Variants in SBNO1 observed in about 807,000 individuals in gnomAD.
SBNO1 encodes strawberry notch homolog 1.
A neutral mutation model predicts 173.6 loss-of-function variants in SBNO1; 23 were observed. The ratio of observed to expected loss-of-function variants is 0.13; its 90% CI spans 0.10 to 0.19. SBNO1 has a LOEUF of 0.19. SBNO1 is among the 10% of genes least tolerant of loss of function. The probability of loss-of-function intolerance (pLI) is 1.00; values close to 1 mark genes in which losing one functional copy is unlikely to be tolerated. For missense variants in SBNO1, 1,238 were observed against 1,671.2 expected (o/e 0.74, Z 4.52); for synonymous variants, 632 against 571.5 (o/e 1.11, Z -1.51).
chr12:123,340,592 A>AG (rs1872429795), intron 5 of SBNO1, among the ~76,000 whole-genome samples: 1 of 150,708 alleles, frequency 6.6e-6, no homozygotes, highest in African/African-American at 2.5e-5. Flanking sequence ...AAAAAAAAAA[A>AG]AAAAAAAAAA....
At chr12:123,315,318 G>T (rs376857383) in intron 23 of SBNO1, 55 bp downstream of exon 23, 2 of 1,375,422 alleles carry the variant, frequency 1.5e-6, no homozygotes, top group African/African-American at 1.4e-5. Flanking sequence ...TTGTGTTCCC[G>T]AAAGACACCA....
intron 13 of SBNO1, 40 bp from the exon 14 acceptor site, chr12:123,326,374 G>C (rs1870610343): frequency 7.3e-7 from 1 of 1,369,004 alleles, no homozygotes; most frequent in African/African-American, 1.4e-5. Flanking sequence ...CTTCATCTTT[G>C]AGTCTAGTTA....
intron 20 of SBNO1, 68 bp from the exon 21 acceptor site, chr12:123,317,424 A>G: frequency 1.4e-6 from 2 of 1,424,364 alleles, no homozygotes; most frequent in Non-Finnish European, 2.0e-6. Context: ...CCTTAAATGA[A>G]GTCCTTCAGC....
chr12:123,311,691 C>CAATCTATCTATCTATCTAT (rs1424278237), intron 24 of SBNO1, among the ~76,000 whole-genome samples: 1 of 121,768 alleles, frequency 8.2e-6, no homozygotes, highest in Non-Finnish European at 1.7e-5. Context: ...AAACAAGTAA[C>CAATCTATCTATCTATCTAT]CTATCTATCT....
chr12:123,344,025 C>G (rs1872833612), intron 4 of SBNO1, among the ~76,000 whole-genome samples: 1 of 152,116 alleles, frequency 6.6e-6, no homozygotes, highest in African/African-American at 2.4e-5. Context: ...CTGTTGTGTT[C>G]TCTAAATTCT....
At chr12:123,311,632 GGT>G (rs1402235792) in intron 24 of SBNO1, among the ~76,000 whole-genome samples, 3 of 151,230 alleles carry the variant, frequency 2.0e-5, no homozygotes, top group African/African-American at 7.3e-5. Flanking sequence ...TGAGATTACA[GGT>G]GTGAGCCACT....
chr12:123,302,480 G>C (rs1270337924), intron 30 of SBNO1, among the ~76,000 whole-genome samples: 14 of 145,028 alleles, frequency 9.7e-5, no homozygotes, highest in Admixed American at 9.0e-4. Flanking sequence ...CTGACCTCAG[G>C]TGATCCGCCC....
chr12:123,320,165 A>G, intron 19 of SBNO1, 134 bp from the exon 20 acceptor site: 1 of 1,027,504 alleles, frequency 9.7e-7, no homozygotes, highest in Non-Finnish European at 1.4e-6. Context: ...GATACAGAAC[A>G]CTGCAACAGA....
chr12:123,297,400 C>CAAAAAAGAAAAAAAAAAAAA (rs2048641127), intron 31 of SBNO1, among the ~76,000 whole-genome samples: 1 of 31,514 alleles, frequency 3.2e-5, no homozygotes, highest in Non-Finnish European at 5.9e-5. Flanking sequence ...TACTGGTGTC[C>CAAAAAAGAAAAAAAAAAAAA]AAAAAAAAAA....
In SBNO1 at chr12:123,327,452, T is replaced by C. The variant is rs181207140; in HGVS notation, c.1666A>G (p.Lys556Glu). ...EEVLLSQSYV[K>E]MYNKAVKLWV... ...AGCTTGACAGCTTTGTTATACATTT[T>C]AACGTAGCTCTGAGAAAGAAGAACT... The change falls in exon 13 of 32, where the codon AAA becomes GAA. Residue 556 changes from lysine (K) to glutamate (E), a missense_variant. This residue lies in a region of SBNO1 where 182 missense variants were observed against 339.9 expected (regional missense o/e 0.54). Coordinates refer to ENST00000602398, the MANE Select transcript of SBNO1 (RefSeq NM_001167856.3). The C allele has an allele frequency of 6.2e-7, 1 of 1,613,698 alleles. No homozygotes were observed. Among genetic ancestry groups the C allele is most frequent in the East Asian group, 2.2e-5 (1 of 44,878 alleles).
intron 23 of SBNO1, among the ~76,000 whole-genome samples, chr12:123,314,159 T>A (rs953999088): frequency 6.6e-6 from 1 of 152,112 alleles, no homozygotes; most frequent in Non-Finnish European, 1.5e-5. Flanking sequence ...TATCTTTATA[T>A]GTATTTATTT....
chr12:123,313,408 T>G (rs1015294393), intron 24 of SBNO1, among the ~76,000 whole-genome samples: 2 of 152,060 alleles, frequency 1.3e-5, no homozygotes, highest in African/African-American at 4.8e-5. Context: ...TTTCACCATA[T>G]CAACAGTAAG....
rs547649355 is a variant in SBNO1 at position 123,322,769 on chromosome 12, G to C, written c.2125+911C>G. On this transcript the variant is annotated intron_variant, in intron 16 of 31. Coordinates refer to ENST00000602398, the MANE Select transcript of SBNO1 (RefSeq NM_001167856.3). ...AAAAATACAAAAATTAGCAGGGCGT[G>C]GTGGTGCATGCCTGTAATCCCAGCT... Among the ~76,000 whole-genome samples, 6 of 151,828 alleles carry C rather than the reference G, an allele frequency of 4.0e-5. No homozygotes were observed. The East Asian group carries it at 1.2e-3, about 30-fold the overall frequency.
At chr12:123,359,541 G>T (rs9705407) in intron 1 of SBNO1, among the ~76,000 whole-genome samples, 131,590 of 148,044 alleles carry the variant, frequency 0.89, 58,563 homozygotes, top group Middle Eastern at 0.95. Flanking sequence ...GGCAACAGAG[G>T]GAGACTCCGT....
intron 19 of SBNO1, 143 bp from the exon 20 acceptor site, chr12:123,320,174 G>A (rs12366872): frequency 1.0e-6 from 1 of 985,172 alleles, no homozygotes; most frequent in Non-Finnish European, 1.5e-6. Flanking sequence ...CACTGCAACA[G>A]AGTCCCTGGA....
intron 24 of SBNO1, among the ~76,000 whole-genome samples, chr12:123,312,200 A>G (rs979428969): frequency 2.2e-4 from 34 of 151,886 alleles, no homozygotes; most frequent in Admixed American, 2.1e-3. Flanking sequence ...TCAGCCTCCC[A>G]AAGTGCTGGG....
At chr12:123,313,828 C>T (rs1011899165) in intron 23 of SBNO1, 109 bp from the exon 24 acceptor site, 17 of 623,140 alleles carry the variant, frequency 2.7e-5, no homozygotes, top group Non-Finnish European at 3.9e-5. Context: ...GTGGCTCATG[C>T]CTGTAATCCC....
intron 28 of SBNO1, among the ~76,000 whole-genome samples, chr12:123,308,399 A>G (rs556997574): frequency 1.3e-5 from 2 of 151,996 alleles, no homozygotes; most frequent in East Asian, 3.9e-4. Flanking sequence ...GGCCAGGTGC[A>G]GTGGCTCAAG....
chr12:123,360,067 C>A (rs1418502646), intron 1 of SBNO1, among the ~76,000 whole-genome samples: 2 of 152,002 alleles, frequency 1.3e-5, no homozygotes, highest in Non-Finnish European at 2.9e-5. Context: ...TGATGAAACC[C>A]TGTATCTACT....
Sources: gnomAD v4.1 joint callset for allele counts (sites outside exome capture counted in the v4.1 genomes callset) on GRCh38, gnomAD v4.1.1 for gene constraint, gnomAD v4.1.1 regional missense constraint, MANE v1.5 for transcripts, NCBI Gene and HGNC (gene_info 2026-07-23, HGNC 2026-07-21) for gene names.